The following CDK15 variants were observed in gnomAD, a reference collection of about 807,000 sequenced individuals.
The protein encoded by CDK15 is cyclin-dependent kinase 15.
Under a neutral mutation model 60.3 loss-of-function variants are expected in CDK15, and 62 were observed. That is an observed-to-expected ratio of 1.03 (90% CI 0.84 to 1.27). CDK15 has a LOEUF of 1.27. CDK15 is among the 50% of genes most tolerant of loss of function. The pLI, the probability that CDK15 is intolerant of heterozygous loss-of-function variation, is 0.00. For synonymous variants in CDK15, 194 were observed against 195.7 expected (o/e 0.99, Z 0.07); for missense variants, 541 against 527.8 (o/e 1.03, Z -0.25).
At chr2:201,837,730 A>G (rs1048081120) in intron 8 of CDK15, among the ~76,000 whole-genome samples, 2 of 152,168 alleles carry the variant, frequency 1.3e-5, no homozygotes, top group Non-Finnish European at 2.9e-5. Flanking sequence ...CAACTCCCCA[A>G]AGGTAAGGAA....
chr2:201,845,173 G>C, intron 8 of CDK15, among the ~76,000 whole-genome samples: 1 of 151,252 alleles, frequency 6.6e-6, no homozygotes, highest in East Asian at 1.9e-4. Context: ...AAAAAAATTG[G>C]CAATAAAAAC....
intron 10 of CDK15, among the ~76,000 whole-genome samples, chr2:201,867,753 T>G (rs1336216172): frequency 6.6e-6 from 1 of 152,156 alleles, no homozygotes; most frequent in Non-Finnish European, 1.5e-5. Flanking sequence ...GATGCCAGTA[T>G]GCAGCTCCCT....
intron 10 of CDK15, among the ~76,000 whole-genome samples, chr2:201,862,583 C>T (rs1297022053): frequency 2.0e-5 from 3 of 152,184 alleles, no homozygotes; most frequent in Non-Finnish European, 4.4e-5. Context: ...TGAGGACTAA[C>T]TATGAGCTAG....
intron 10 of CDK15, among the ~76,000 whole-genome samples, chr2:201,856,117 C>T (rs1021292263): frequency 6.6e-6 from 1 of 152,132 alleles, no homozygotes; most frequent in Non-Finnish European, 1.5e-5. Context: ...CATGAGCCAG[C>T]GCGCCTGGCC....
intron 10 of CDK15, among the ~76,000 whole-genome samples, chr2:201,864,254 GAAAAT>G (rs1251631645): frequency 6.6e-6 from 1 of 152,140 alleles, no homozygotes; most frequent in Non-Finnish European, 1.5e-5. Flanking sequence ...GAAAGAACAG[GAAAAT>G]AAAAGAAAAG....
intron 10 of CDK15, among the ~76,000 whole-genome samples, chr2:201,867,983 A>G (rs1185750830): frequency 6.6e-6 from 1 of 152,206 alleles, no homozygotes; most frequent in Non-Finnish European, 1.5e-5. Flanking sequence ...GTAAGTGGCA[A>G]AAAGGAGACT....
intron 9 of CDK15, among the ~76,000 whole-genome samples, chr2:201,851,506 T>C (rs369567334): frequency 1.2e-4 from 18 of 152,176 alleles, no homozygotes; most frequent in African/African-American, 1.4e-4. Context: ...TGATTCCCTC[T>C]AGCTCCTTTA....
chr2:201,843,575 G>A (rs1697498758), intron 8 of CDK15, among the ~76,000 whole-genome samples: 1 of 152,080 alleles, frequency 6.6e-6, no homozygotes, highest in Non-Finnish European at 1.5e-5. Flanking sequence ...AAATAAAATT[G>A]ATTTAGGAAT....
chr2:201,848,108 C>CA (rs1208781191), intron 9 of CDK15, among the ~76,000 whole-genome samples: 3 of 151,404 alleles, frequency 2.0e-5, no homozygotes, highest in Non-Finnish European at 4.4e-5. Context: ...GGCTGGGGAA[C>CA]AAAAAAAAGA....
rs1699734777 is a variant in CDK15, at chr2:201,894,896, A to C, written c.*1629A>C. 1 of 152,242 alleles carries C rather than the reference A, an allele frequency of 6.6e-6. No homozygotes were observed. Among genetic ancestry groups the C allele is most frequent in the Non-Finnish European group, 1.5e-5 (1 of 68,042 alleles). The allele number at this position is 152,242 out of a possible 1,614,324, so 9.4% of individuals were successfully genotyped here. On this transcript the variant is annotated 3_prime_UTR_variant, in exon 14 of 14. Coordinates refer to ENST00000652192, the MANE Select transcript of CDK15 (RefSeq NM_001366386.2). ...GCCAAAACAACACTTACTTGCATCA[A>C]ATTTCATCTGACTTAAATTCTTACA... is the stretch of plus-strand genomic sequence containing the variant.
At chr2:201,883,187 T>G (rs547321097) in intron 12 of CDK15, among the ~76,000 whole-genome samples, 9 of 152,220 alleles carry the variant, frequency 5.9e-5, no homozygotes, top group Non-Finnish European at 1.3e-4. Context: ...TTATTCTGAT[T>G]TTATTCTGGT....
intron 11 of CDK15, among the ~76,000 whole-genome samples, chr2:201,875,937 T>A (rs1431578085): frequency 1.3e-5 from 2 of 152,226 alleles, no homozygotes. Context: ...GAAATGTTAC[T>A]AGAAGGACTG....
chr2:201,853,396 G>A (rs1697995096), intron 9 of CDK15, among the ~76,000 whole-genome samples: 1 of 152,138 alleles, frequency 6.6e-6, no homozygotes, highest in East Asian at 1.9e-4. Flanking sequence ...CTTAACAGAT[G>A]CTAAAAAGTA....
chr2:201,855,007 A>C, intron 10 of CDK15, 70 bp downstream of exon 10: 1 of 1,428,352 alleles, frequency 7.0e-7, no homozygotes, highest in South Asian at 1.1e-5. Flanking sequence ...CCACGCTAAC[A>C]GGGCGTTCTT....
chr2:201,815,450 G>T (rs1695949487), intron 4 of CDK15, among the ~76,000 whole-genome samples: 1 of 152,168 alleles, frequency 6.6e-6, no homozygotes, highest in African/African-American at 2.4e-5. Context: ...ACACAAAATA[G>T]ATGTGTTCCC....
chr2:201,810,423 A>G (rs1695704493), intron 3 of CDK15, among the ~76,000 whole-genome samples: 1 of 152,126 alleles, frequency 6.6e-6, no homozygotes, highest in African/African-American at 2.4e-5. Flanking sequence ...TGATAGGGCT[A>G]TGACAGAGGG....
chr2:201,883,772 T>A (rs1237688316), intron 12 of CDK15, among the ~76,000 whole-genome samples: 1 of 152,246 alleles, frequency 6.6e-6, no homozygotes, highest in Non-Finnish European at 1.5e-5. Flanking sequence ...GCCACACTTG[T>A]GGTCCTCGTG....
At chr2:201,861,926 G>T in intron 10 of CDK15, among the ~76,000 whole-genome samples, 1 of 152,156 alleles carries the variant, frequency 6.6e-6, no homozygotes, top group East Asian at 1.9e-4. Flanking sequence ...CCAGTGACAG[G>T]TGTGTGAGAA....
At chr2:201,892,418 G>A (rs189068082) in intron 13 of CDK15, among the ~76,000 whole-genome samples, 1 of 152,260 alleles carries the variant, frequency 6.6e-6, no homozygotes, top group Non-Finnish European at 1.5e-5. Context: ...ATTTTCTTAA[G>A]CAGCTGGAAG....
Sources: allele counts gnomAD v4.1 joint callset (sites outside exome capture counted in the v4.1 genomes callset), GRCh38; gene constraint gnomAD v4.1.1; transcripts MANE v1.5; gene names NCBI Gene and HGNC (gene_info 2026-07-23, HGNC 2026-07-21).